Variants in MRPS9 observed in about 807,000 individuals in gnomAD.
The protein encoded by MRPS9 is small ribosomal subunit protein uS9m.
In MRPS9, 45 loss-of-function variants were observed where a neutral mutation model predicts 59.9. The observed-to-expected ratio is 0.75, with a 90% confidence interval of 0.59 to 0.96. MRPS9 has a LOEUF of 0.96. MRPS9 is among the 40% of genes least tolerant of loss of function. The probability of loss-of-function intolerance (pLI) is 0.00; values close to 1 mark genes in which losing one functional copy is unlikely to be tolerated. For missense variants in MRPS9, 473 were observed against 481.1 expected (o/e 0.98, Z 0.16); for synonymous variants, 171 against 166.8 (o/e 1.03, Z -0.19).
At chr2:105,085,679 C>T (rs904675691) in intron 5 of MRPS9, among the ~76,000 whole-genome samples, 32 of 152,042 alleles carry the variant, frequency 2.1e-4, no homozygotes, top group Admixed American at 1.8e-3. Flanking sequence ...TCTGATGACA[C>T]GAGGGGTGGA....
chr2:105,076,669 G>A (rs749956520), intron 4 of MRPS9, among the ~76,000 whole-genome samples: 2 of 152,146 alleles, frequency 1.3e-5, no homozygotes, highest in Non-Finnish European at 2.9e-5. Flanking sequence ...GCTAGTTGAA[G>A]AATATACATA....
intron 4 of MRPS9, among the ~76,000 whole-genome samples, chr2:105,073,221 C>G (rs1449770855): frequency 2.0e-5 from 3 of 151,896 alleles, no homozygotes; most frequent in Non-Finnish European, 4.4e-5. Context: ...TACATCTGCC[C>G]CTCTAAGACT....
At chr2:105,073,457 A>G (rs1331319902) in intron 4 of MRPS9, among the ~76,000 whole-genome samples, 1 of 152,126 alleles carries the variant, frequency 6.6e-6, no homozygotes, top group Non-Finnish European at 1.5e-5. Flanking sequence ...TTGCTTACCT[A>G]CCTACCTCCC....
chr2:105,091,235 T>A (rs1680551803), intron 7 of MRPS9: 1 of 468,766 alleles, frequency 2.1e-6, no homozygotes, highest in African/African-American at 2.0e-5. Flanking sequence ...ATGGCTGGTA[T>A]CAAGATGAGG....
intron 1 of MRPS9, among the ~76,000 whole-genome samples, chr2:105,047,025 G>A (rs371727356): frequency 7.2e-5 from 11 of 151,938 alleles, no homozygotes; most frequent in African/African-American, 2.4e-4. Flanking sequence ...CAGTAAAAAC[G>A]TTAAGATGGG....
chr2:105,048,904 G>C (rs1679658050), intron 1 of MRPS9, among the ~76,000 whole-genome samples: 1 of 151,952 alleles, frequency 6.6e-6, no homozygotes. Context: ...TAGATCAGGA[G>C]GTAGCATACC....
chr2:105,051,280 G>A (rs541603010), intron 2 of MRPS9, among the ~76,000 whole-genome samples: 20 of 152,124 alleles, frequency 1.3e-4, no homozygotes, highest in South Asian at 6.2e-4. Context: ...CAGTTGTTCC[G>A]GCATCATTTG....
chr2:105,076,424 G>C (rs1175904031), intron 4 of MRPS9, among the ~76,000 whole-genome samples: 1 of 152,106 alleles, frequency 6.6e-6, no homozygotes, highest in Non-Finnish European at 1.5e-5. Context: ...TATGTATTTT[G>C]GCAGACAAGA....
intron 1 of MRPS9, among the ~76,000 whole-genome samples, chr2:105,044,887 A>G (rs190870454): frequency 1.3e-5 from 2 of 152,366 alleles, no homozygotes; most frequent in Admixed American, 6.5e-5. Context: ...AAGGACATTT[A>G]AAAATCAGTT....
At chr2:105,081,687 A>T (rs553122178) in intron 5 of MRPS9, among the ~76,000 whole-genome samples, 1 of 152,242 alleles carries the variant, frequency 6.6e-6, no homozygotes, top group Non-Finnish European at 1.5e-5. Flanking sequence ...TTCTAAGTGG[A>T]TGAAATGTTA....
chr2:105,091,175 T>A, intron 7 of MRPS9: 1 of 404,302 alleles, frequency 2.5e-6, no homozygotes, highest in South Asian at 1.9e-5. Flanking sequence ...AAGTTATATA[T>A]GATACTTTGT....
intron 2 of MRPS9, among the ~76,000 whole-genome samples, chr2:105,062,294 GT>G (rs1175734231): frequency 6.6e-6 from 1 of 152,190 alleles, no homozygotes; most frequent in Non-Finnish European, 1.5e-5. Flanking sequence ...CTTTAAGATA[GT>G]AAAGTTAGGC....
rs575141466 is a variant in MRPS9, at chr2:105,073,582, CTTA to C, written c.409+2097_409+2099del. On this transcript the variant is annotated intron_variant, in intron 4 of 10. Coordinates refer to ENST00000258455, the MANE Select transcript of MRPS9 (RefSeq NM_182640.3). ...ACACTTATAGTGTACTAACACTTTCCTTATTAAAAGATGGAAGCTTCTAGATTG... is the reference window on the plus strand; with the variant it reads ...ACACTTATAGTGTACTAACACTTTCCTTAAAAGATGGAAGCTTCTAGATTG... Among the ~76,000 whole-genome samples the C allele has an allele frequency of 3.2e-3, 492 of 152,140 alleles. 2 individuals are homozygous for C. The highest frequency in any genetic ancestry group is 0.011 in the African/African-American group (467 of 41,518).
intron 5 of MRPS9, among the ~76,000 whole-genome samples, chr2:105,086,617 A>G (rs979186770): frequency 1.3e-5 from 2 of 152,184 alleles, no homozygotes; most frequent in Non-Finnish European, 1.5e-5. Context: ...TTACTCAGCA[A>G]TTTACTACTA....
Position 105,093,602 on chromosome 2 carries a change from T to A in MRPS9, c.893T>A (p.Ile298Asn). 1 of 1,607,382 alleles carries A rather than the reference T, an allele frequency of 6.2e-7. No homozygotes were observed. Among genetic ancestry groups the A allele is most frequent in the Non-Finnish European group, 8.5e-7 (1 of 1,176,692 alleles). Residue 298 changes from isoleucine to asparagine, a missense_variant, in exon 9 of 11, where the codon ATT becomes AAT. Ile to Asn is a moderately radical substitution (Grantham distance 149). Transcript: ENST00000258455. ...HGSGRIKVNG[I>N]DYQLYFPITQ... is the part of the protein sequence containing the mutation. ...AGTGGAAGAATAAAAGTAAATGGAA[T>A]TGATTACCAGCTTTACTTCCCGATC...
chr2:105,046,698 C>A (rs989805483), intron 1 of MRPS9, among the ~76,000 whole-genome samples: 1 of 152,002 alleles, frequency 6.6e-6, no homozygotes, highest in African/African-American at 2.4e-5. Flanking sequence ...TGGTGATTGG[C>A]AGGGAGTGTG....
intron 4 of MRPS9, among the ~76,000 whole-genome samples, chr2:105,077,338 G>A (rs1680233606): frequency 6.6e-6 from 1 of 151,882 alleles, no homozygotes; most frequent in South Asian, 2.1e-4. Flanking sequence ...TGTAAATATT[G>A]TATCAGCAAC....
At chr2:105,039,401 G>A (rs899941076) in intron 1 of MRPS9, among the ~76,000 whole-genome samples, 12 of 148,442 alleles carry the variant, frequency 8.1e-5, no homozygotes, top group Non-Finnish European at 1.5e-4. Flanking sequence ...TGCTACATAC[G>A]CATGATTATG....
At position 105,093,623 on chromosome 2, in the gene MRPS9, C is replaced by T. The variant is rs770317141; in HGVS notation, c.914C>T (p.Pro305Leu). 9 of 1,598,458 alleles carry T rather than the reference C, an allele frequency of 5.6e-6. No individual in the cohort carries two copies. The highest frequency in any genetic ancestry group is 1.1e-5 in the South Asian group (1 of 88,576). ...GGAATTGATTACCAGCTTTACTTCCCGATCACACAGGACAGGTTCGTTTTG... is the reference window on the plus strand; with the variant it reads ...GGAATTGATTACCAGCTTTACTTCCTGATCACACAGGACAGGTTCGTTTTG... Reference protein sequence around the residue: ...VNGIDYQLYFPITQDREQLMF... With the variant: ...VNGIDYQLYFLITQDREQLMF... Residue 305 changes from proline (P) to leucine (L), a missense_variant, in exon 9 of 11, where the codon CCG becomes CTG. Coordinates refer to ENST00000258455, the MANE Select transcript of MRPS9 (RefSeq NM_182640.3).
Sources: allele counts gnomAD v4.1 joint callset (sites outside exome capture counted in the v4.1 genomes callset), GRCh38; gene constraint gnomAD v4.1.1; transcripts MANE v1.5; gene names NCBI Gene and HGNC (gene_info 2026-07-23, HGNC 2026-07-21).